The following RGS7 variants were observed in gnomAD, a reference collection of about 807,000 sequenced individuals.
The protein encoded by RGS7 is regulator of G-protein signaling 7.
RGS7 carries 27 observed loss-of-function variants against 81.1 expected under a neutral mutation model. The ratio of observed to expected loss-of-function variants is 0.33; its 90% CI spans 0.25 to 0.46. The LOEUF is 0.46. RGS7 is among the 20% of genes least tolerant of loss of function. The probability of loss-of-function intolerance (pLI) is 1.00; values close to 1 mark genes in which losing one functional copy is unlikely to be tolerated. For missense variants in RGS7, 396 were observed against 607.4 expected (o/e 0.65, Z 3.66); for synonymous variants, 208 against 207.7 (o/e 1.00, Z -0.01).
intron 2 of RGS7, among the ~76,000 whole-genome samples, chr1:241,247,701 T>TAA (rs538409802): frequency 1.5e-4 from 22 of 144,694 alleles, no homozygotes; most frequent in Middle Eastern, 7.1e-3. Flanking sequence ...TTTTCTCAAC[T>TAA]AAAAAAAAAA....
chr1:241,203,002 A>AT (rs1029487047), intron 2 of RGS7, among the ~76,000 whole-genome samples: 24 of 152,144 alleles, frequency 1.6e-4, no homozygotes, highest in Non-Finnish European at 5.9e-5. Context: ...ATGACAACTA[A>AT]TTTGAGGTGC....
At chr1:240,929,449 T>C (rs1410940187) in intron 6 of RGS7, among the ~76,000 whole-genome samples, 1 of 151,984 alleles carries the variant, frequency 6.6e-6, no homozygotes, top group Non-Finnish European at 1.5e-5. Context: ...TTTGTCTCCG[T>C]ATTAATTTTT....
chr1:240,912,882 A>G (rs1306015181), intron 6 of RGS7, among the ~76,000 whole-genome samples: 1 of 152,204 alleles, frequency 6.6e-6, no homozygotes, highest in Admixed American at 6.5e-5. Flanking sequence ...GTTGCTACCA[A>G]ACATTTTCTA....
intron 4 of RGS7, among the ~76,000 whole-genome samples, chr1:240,956,751 AAG>A (rs1558521968): frequency 2.0e-5 from 3 of 152,164 alleles, no homozygotes; most frequent in Non-Finnish European, 4.4e-5. Flanking sequence ...AAAAGGTAAA[AAG>A]AGATGGTAAA....
chr1:240,933,134 G>C (rs893664870), intron 5 of RGS7, among the ~76,000 whole-genome samples: 1 of 150,700 alleles, frequency 6.6e-6, no homozygotes, highest in Non-Finnish European at 1.5e-5. Context: ...TGCCCCCCTC[G>C]GCCCCACAAA....
chr1:240,817,267 T>A (rs1355525862), intron 10 of RGS7, among the ~76,000 whole-genome samples: 1 of 152,204 alleles, frequency 6.6e-6, no homozygotes, highest in South Asian at 2.1e-4. Flanking sequence ...ATAAAGAATT[T>A]AATGTGTGTT....
At chr1:240,884,465 T>C (rs1368365545) in intron 6 of RGS7, among the ~76,000 whole-genome samples, 2 of 152,206 alleles carry the variant, frequency 1.3e-5, no homozygotes, top group East Asian at 1.9e-4. Flanking sequence ...TGTGTTTGTG[T>C]CTTATTCCCT....
intron 2 of RGS7, among the ~76,000 whole-genome samples, chr1:241,220,851 T>C (rs138623889): frequency 9.8e-4 from 149 of 151,292 alleles, no homozygotes; most frequent in Middle Eastern, 6.8e-3. Flanking sequence ...CAGTGAGCTA[T>C]GTTTGCACCA....
intron 2 of RGS7, among the ~76,000 whole-genome samples, chr1:241,154,134 T>C (rs2068947651): frequency 6.6e-6 from 1 of 152,064 alleles, no homozygotes; most frequent in Non-Finnish European, 1.5e-5. Flanking sequence ...AGGAAGCAAG[T>C]AGTACGTATA....
At chr1:241,065,074 A>T (rs1455494882) in intron 3 of RGS7, among the ~76,000 whole-genome samples, 1 of 151,990 alleles carries the variant, frequency 6.6e-6, no homozygotes, top group Non-Finnish European at 1.5e-5. Context: ...GGGAAGATAC[A>T]CCTCCACCAC....
Position 240,790,504 on chromosome 1 carries a change from G to T in RGS7, c.*6+10137C>A, listed in dbSNP as rs190655124. ...AAGGGAAAGAAAAAGAAAACTTGAG[G>T]GAGGTGATGTAAATCACACCTTCAA... On this transcript the variant is annotated intron_variant, in intron 18 of 18. Coordinates refer to ENST00000440928, the MANE Select transcript of RGS7 (RefSeq NM_001364886.1). Among the ~76,000 whole-genome samples, 523 of 152,206 alleles carry T rather than the reference G, an allele frequency of 3.4e-3. 3 individuals are homozygous for T. Among genetic ancestry groups the T allele is most frequent in the Non-Finnish European group, 5.8e-3 (397 of 68,024 alleles).
intron 2 of RGS7, among the ~76,000 whole-genome samples, chr1:241,128,370 C>T (rs923062397): frequency 6.6e-5 from 10 of 151,698 alleles, no homozygotes; most frequent in African/African-American, 2.2e-4. Flanking sequence ...GATCACTTGA[C>T]ATCAGGAGTT....
chr1:241,088,350 AC>A (rs1384034412), intron 3 of RGS7, among the ~76,000 whole-genome samples: 1 of 151,978 alleles, frequency 6.6e-6, no homozygotes, highest in Non-Finnish European at 1.5e-5. Context: ...CAAAAAACAT[AC>A]CATTTTGGCA....
At chr1:241,296,435 C>T (rs1263162107) in intron 2 of RGS7, among the ~76,000 whole-genome samples, 2 of 152,138 alleles carry the variant, frequency 1.3e-5, no homozygotes, top group African/African-American at 4.8e-5. Flanking sequence ...TGATTAGGCG[C>T]TCAAGTGACA....
chr1:240,841,660 G>A (rs1411168487), intron 9 of RGS7, among the ~76,000 whole-genome samples: 1 of 152,104 alleles, frequency 6.6e-6, no homozygotes, highest in Non-Finnish European at 1.5e-5. Flanking sequence ...TTTCACTGAA[G>A]CATATCAAAG....
chr1:241,047,685 C>T lies in RGS7; in HGVS notation c.175+50981G>A, dbSNP rs113792512. On this transcript the variant is annotated intron_variant, in intron 3 of 18. Transcript: ENST00000440928. ...ATACACTTGAATATTCATGCCATTG[C>T]AACCATGCACTATTCAAATCTTCTC... 1.6e-3 allele frequency among the ~76,000 whole-genome samples: 240 copies of T among 150,734 alleles called. 1 individual carries two copies. The highest frequency in any genetic ancestry group is 5.6e-3 in the African/African-American group (228 of 41,072).
chr1:241,032,886 CTT>C (rs1190631152), intron 3 of RGS7, among the ~76,000 whole-genome samples: 4 of 152,066 alleles, frequency 2.6e-5, no homozygotes, highest in Admixed American at 1.3e-4. Context: ...TTGGAGGAGT[CTT>C]TAGGATTTTA....
chr1:240,824,092 C>A (rs1285640477), intron 10 of RGS7, among the ~76,000 whole-genome samples: 1 of 152,160 alleles, frequency 6.6e-6, no homozygotes, highest in Non-Finnish European at 1.5e-5. Flanking sequence ...ATTTTAGATT[C>A]TTAACATATC....
chr1:241,186,741 G>C (rs1210292022), intron 2 of RGS7, among the ~76,000 whole-genome samples: 1 of 151,674 alleles, frequency 6.6e-6, no homozygotes, highest in Non-Finnish European at 1.5e-5. Context: ...TGGTCAGGCT[G>C]GTCTCGAACT....
Sources: gnomAD v4.1 joint callset for allele counts (sites outside exome capture counted in the v4.1 genomes callset) on GRCh38, gnomAD v4.1.1 for gene constraint, MANE v1.5 for transcripts, NCBI Gene and HGNC (gene_info 2026-07-23, HGNC 2026-07-21) for gene names.